The following NALF1 variants were observed in gnomAD, a reference collection of about 807,000 sequenced individuals.
NALF1 encodes the protein NALCN channel auxiliary factor 1, also known as family with sequence similarity 155 member A.
NALF1 carries 3 observed loss-of-function variants against 48.4 expected under a neutral mutation model. The observed-to-expected ratio is 0.06, with a 90% CI of 0.03 to 0.16. The LOEUF (loss-of-function observed/expected upper bound fraction) is 0.16, where lower values mean the gene tolerates loss of function less well. Among genes scored for constraint, NALF1 ranks in the 10% least tolerant of loss-of-function variants. The probability of loss-of-function intolerance (pLI) is 1.00; values close to 1 mark genes in which losing one functional copy is unlikely to be tolerated. For missense variants in NALF1, 526 were observed against 571.5 expected, an observed-to-expected ratio of 0.92 and a Z score of 0.81; for synonymous variants, 262 against 245.7, an observed-to-expected ratio of 1.07 and a Z score of -0.62.
chr13:107,693,927 G>C (rs1881636257), intron 1 of NALF1, among the ~76,000 whole-genome samples: 1 of 152,146 alleles, frequency 6.6e-6, no homozygotes, highest in African/African-American at 2.4e-5. Flanking sequence ...CCTTCATTTT[G>C]CAGAGGAGGA....
At position 107,426,391 on chromosome 13, in the gene NALF1, G is replaced by A. The variant is rs1440720622; in HGVS notation, c.916-215636C>T. On this transcript the variant is annotated intron_variant, in intron 1 of 2. Transcript: ENST00000375915. ...CGTTGTTGAACAAATGAATAAATATGGTATAAAAAAGTTTAGAAAGTTTAG... is the reference window on the plus strand; with the variant it reads ...CGTTGTTGAACAAATGAATAAATATAGTATAAAAAAGTTTAGAAAGTTTAG... Among the ~76,000 whole-genome samples, 3 of 151,980 alleles carry A rather than the reference G, an allele frequency of 2.0e-5. No individual in the cohort carries two copies. In the East Asian group the frequency reaches 5.8e-4, roughly 29 times the overall value.
intron 1 of NALF1, among the ~76,000 whole-genome samples, chr13:107,547,436 A>C (rs1308266027): frequency 6.6e-6 from 1 of 152,218 alleles, no homozygotes; most frequent in African/African-American, 2.4e-5. Flanking sequence ...CCAAATTTTT[A>C]AACAATTGTT....
chr13:107,728,049 G>A (rs1401563528), intron 1 of NALF1, among the ~76,000 whole-genome samples: 1 of 152,194 alleles, frequency 6.6e-6, no homozygotes, highest in Non-Finnish European at 1.5e-5. Context: ...ATGCTGGAGA[G>A]GATGTGGAGA....
At chr13:107,836,730 C>T (rs1879899802) in intron 1 of NALF1, among the ~76,000 whole-genome samples, 1 of 152,158 alleles carries the variant, frequency 6.6e-6, no homozygotes, top group Non-Finnish European at 1.5e-5. Context: ...AAAATATTCA[C>T]TAGCCAAGTG....
intron 1 of NALF1, among the ~76,000 whole-genome samples, chr13:107,488,432 T>A (rs1885364116): frequency 1.3e-5 from 2 of 152,062 alleles, no homozygotes; most frequent in Admixed American, 1.3e-4. Context: ...TCCCCCTTAA[T>A]ACTGTCTTAG....
chr13:107,293,055 A>C (rs190594318), intron 1 of NALF1, among the ~76,000 whole-genome samples: 71 of 139,546 alleles, frequency 5.1e-4, no homozygotes, highest in African/African-American at 1.8e-3. Context: ...ATCTCAGCTC[A>C]CTGCAAGCTC....
chr13:107,295,107 A>G (rs554071580), intron 1 of NALF1, among the ~76,000 whole-genome samples: 45 of 152,290 alleles, frequency 3.0e-4, no homozygotes, highest in African/African-American at 1.1e-3. Context: ...GGTCGTGAGC[A>G]TAGAACCCAG....
intron 1 of NALF1, among the ~76,000 whole-genome samples, chr13:107,274,708 T>C (rs143445916): frequency 5.3e-5 from 8 of 152,318 alleles, no homozygotes; most frequent in African/African-American, 1.7e-4. Flanking sequence ...AACAAAAGTT[T>C]TTAGAGTTGG....
intron 1 of NALF1, among the ~76,000 whole-genome samples, chr13:107,560,061 C>T (rs1459817239): frequency 6.6e-6 from 1 of 152,008 alleles, no homozygotes; most frequent in Non-Finnish European, 1.5e-5. Flanking sequence ...GGCCATTTAA[C>T]CAGGGAAATC....
At chr13:107,821,227 T>C (rs940589779) in intron 1 of NALF1, among the ~76,000 whole-genome samples, 8 of 152,230 alleles carry the variant, frequency 5.3e-5, no homozygotes, top group African/African-American at 1.9e-4. Context: ...ATTGTCTACC[T>C]GATTTGCTGA....
At chr13:107,707,028 T>C (rs1404326467) in intron 1 of NALF1, among the ~76,000 whole-genome samples, 12 of 142,324 alleles carry the variant, frequency 8.4e-5, no homozygotes, top group African/African-American at 3.1e-4. Flanking sequence ...GTTCACGCCA[T>C]TCTCCTGCCT....
intron 1 of NALF1, among the ~76,000 whole-genome samples, chr13:107,456,450 A>G (rs1035038246): frequency 1.3e-5 from 2 of 152,246 alleles, no homozygotes; most frequent in South Asian, 4.1e-4. Flanking sequence ...TAAATAAATC[A>G]TATCATATCT....
intron 1 of NALF1, among the ~76,000 whole-genome samples, chr13:107,661,288 C>T (rs576469922): frequency 1.3e-5 from 2 of 152,292 alleles, no homozygotes; most frequent in East Asian, 3.9e-4. Flanking sequence ...CTTTTCATCA[C>T]TAGAAATGGG....
intron 1 of NALF1, among the ~76,000 whole-genome samples, chr13:107,554,593 C>T (rs1877398204): frequency 6.6e-6 from 1 of 152,110 alleles, no homozygotes; most frequent in Admixed American, 6.6e-5. Flanking sequence ...AAGCCCAGAC[C>T]CAAGAACTGG....
At chr13:107,448,919 C>G (rs1241825213) in intron 1 of NALF1, among the ~76,000 whole-genome samples, 1 of 152,174 alleles carries the variant, frequency 6.6e-6, no homozygotes, top group Non-Finnish European at 1.5e-5. Context: ...TGCCATGTAA[C>G]TCTCCTGCAG....
chr13:107,747,678 T>C (rs1876820678), intron 1 of NALF1, among the ~76,000 whole-genome samples: 1 of 152,176 alleles, frequency 6.6e-6, no homozygotes, highest in Non-Finnish European at 1.5e-5. Context: ...CTAAATTATG[T>C]CATGTAATAG....
At chr13:107,379,172 ATTCC>A in intron 1 of NALF1, among the ~76,000 whole-genome samples, 2 of 152,168 alleles carry the variant, frequency 1.3e-5, no homozygotes, top group African/African-American at 4.8e-5. Flanking sequence ...GGGTTGGCAG[ATTCC>A]ATTTCTTATG....
chr13:107,546,844 G>A (rs1474651270), intron 1 of NALF1, among the ~76,000 whole-genome samples: 1 of 152,066 alleles, frequency 6.6e-6, no homozygotes, highest in South Asian at 2.1e-4. Flanking sequence ...GTATACTTGA[G>A]TGCCTAATAT....
intron 2 of NALF1, among the ~76,000 whole-genome samples, chr13:107,177,614 G>C (rs1451219180): frequency 6.6e-6 from 1 of 152,128 alleles, no homozygotes; most frequent in African/African-American, 2.4e-5. Context: ...AGTCATTTTC[G>C]ACAAAGGTGG....
Sources: allele counts gnomAD v4.1 joint callset (sites outside exome capture counted in the v4.1 genomes callset), GRCh38; gene constraint gnomAD v4.1.1; transcripts MANE v1.5; gene names NCBI Gene and HGNC (gene_info 2026-07-23, HGNC 2026-07-21).